YME1L1: variants seen among roughly 807,000 people sequenced by gnomAD.
The protein encoded by YME1L1 is ATP-dependent zinc metalloprotease YME1L1.
In YME1L1, 39 loss-of-function variants were observed where a neutral mutation model predicts 90.4. That is an observed-to-expected ratio of 0.43 (90% CI 0.33 to 0.56). The LOEUF (loss-of-function observed/expected upper bound fraction) is 0.56, where lower values mean the gene tolerates loss of function less well. YME1L1 is among the 20% of genes least tolerant of loss of function. The pLI, the probability that YME1L1 is intolerant of heterozygous loss-of-function variation, is 0.03. For synonymous variants in YME1L1, 284 were observed against 287.3 expected (o/e 0.99, Z 0.12); for missense variants, 617 against 868.4 (o/e 0.71, Z 3.64).
intron 8 of YME1L1, among the ~76,000 whole-genome samples, chr10:27,128,968 C>G (rs776681814): frequency 2.0e-5 from 3 of 150,710 alleles, no homozygotes; most frequent in African/African-American, 2.4e-5. Flanking sequence ...TGCCTGTGGT[C>G]TCAGCTACAA....
intron 4 of YME1L1, among the ~76,000 whole-genome samples, chr10:27,141,601 GACACACACACACACACAC>G (rs60043957): frequency 0.059 from 8,329 of 141,550 alleles, 431 homozygotes; most frequent in African/African-American, 0.14. Context: ...GATGTCCCTC[GACACACACACACACACAC>G]ACACACACAC....
At chr10:27,137,479 A>G (rs751780505) in intron 4 of YME1L1, among the ~76,000 whole-genome samples, 3 of 152,228 alleles carry the variant, frequency 2.0e-5, no homozygotes, top group Non-Finnish European at 4.4e-5. Flanking sequence ...TGAATTCCTG[A>G]AAGAAACACT....
chr10:27,154,072 A>T, intron 1 of YME1L1, 106 bp downstream of exon 1: 1 of 1,406,602 alleles, frequency 7.1e-7, no homozygotes, highest in Non-Finnish European at 9.8e-7. Context: ...TGAGTACATC[A>T]CTTCATTTCT....
At chr10:27,117,338 C>A (rs2056823385) in intron 15 of YME1L1, among the ~76,000 whole-genome samples, 1 of 152,128 alleles carries the variant, frequency 6.6e-6, no homozygotes, top group South Asian at 2.1e-4. Flanking sequence ...GAGACTGAGG[C>A]AGGTGGATCA....
chr10:27,129,085 CAAAAAAAAAAAAAA>C lies in YME1L1; in HGVS notation c.859-2313_859-2300del, dbSNP rs71523559. 5.7e-3 allele frequency among the ~76,000 whole-genome samples: 278 copies of C among 48,524 alleles called. 4 individuals carry two copies. Among genetic ancestry groups the C allele is most frequent in the African/African-American group, 0.02 (264 of 13,316 alleles). 31.8% of individuals were successfully genotyped at this position (48,524 alleles called of 152,430 possible). A position where few individuals can be genotyped will look rare whatever the true frequency, so the allele number is the denominator to read the frequency against. ...TGGGCAAGAGAGCAAGACCCTGTCT[CAAAAAAAAAAAAAA>C]AAAAAAAAAAAAAACTCTCATTCCA... On this transcript the variant is annotated intron_variant, in intron 8 of 18. Coordinates refer to ENST00000376016, the MANE Select transcript of YME1L1 (RefSeq NM_014263.4).
chr10:27,119,290 C>T lies in YME1L1; in HGVS notation c.1567+4G>A, dbSNP rs2056842877. 3.1e-6 allele frequency: 5 copies of T among 1,589,104 alleles called. No individual in the cohort carries two copies. Among genetic ancestry groups the T allele is most frequent in the Admixed American group, 3.8e-5 (2 of 52,278 alleles). On this transcript the variant is annotated splice_donor_region_variant and intron_variant, in intron 14 of 18. Coordinates refer to ENST00000376016, the MANE Select transcript of YME1L1 (RefSeq NM_014263.4). The stretch of plus-strand genomic sequence containing the variant: ...AAGACAGAAAAAAAAGAAAGGAAAC[C>T]TACCCATTAGAATTTTGTCTTTGGA...
chr10:27,117,919 C>T (rs2056830090), intron 14 of YME1L1, among the ~76,000 whole-genome samples, 192 bp from the exon 15 acceptor site: 1 of 152,052 alleles, frequency 6.6e-6, no homozygotes, highest in South Asian at 2.1e-4. Flanking sequence ...GAAAAAAATA[C>T]ATTATAACAA....
At chr10:27,154,069 A>T in intron 1 of YME1L1, 109 bp downstream of exon 1, 1 of 1,396,040 alleles carries the variant, frequency 7.2e-7, no homozygotes, top group Non-Finnish European at 9.9e-7. Flanking sequence ...CATTGAGTAC[A>T]TCACTTCATT....
At chr10:27,135,767 T>G (rs1210377968) in intron 5 of YME1L1, among the ~76,000 whole-genome samples, 1 of 151,876 alleles carries the variant, frequency 6.6e-6, no homozygotes, top group Non-Finnish European at 1.5e-5. Flanking sequence ...GTAATATAAC[T>G]AGATCATTAT....
Position 27,117,779 on chromosome 10 carries a change from CAACAA to C in YME1L1, c.1568-57_1568-53del, listed in dbSNP as rs1285342154. On this transcript the variant is annotated intron_variant, in intron 14 of 18. Transcript: ENST00000376016. The stretch of plus-strand genomic sequence containing the variant: ...CTCCATTAGAAAGGTATATTTAAAT[CAACAA>C]AACACATTCTTGTCTGCAAATCAAA... The C allele has an allele frequency of 2.6e-6, 4 of 1,568,322 alleles. No homozygotes were observed. In the Admixed American group the frequency reaches 6.8e-5, roughly 27 times the overall value.
At chr10:27,113,037 C>A (rs1588578862) in intron 18 of YME1L1, among the ~76,000 whole-genome samples, 1 of 151,306 alleles carries the variant, frequency 6.6e-6, no homozygotes, top group Non-Finnish European at 1.5e-5. Context: ...GCCTGGGTAA[C>A]ATAGTGAAAT....
intron 11 of YME1L1, 78 bp downstream of exon 11, chr10:27,122,763 T>A: frequency 1.3e-6 from 2 of 1,569,004 alleles, no homozygotes; most frequent in Non-Finnish European, 1.7e-6. Context: ...ATGGAAATAA[T>A]TTGCATAAGA....
Position 27,114,617 on chromosome 10 carries a change from A to G in YME1L1, c.1921-10T>C, listed in dbSNP as rs753875109. On this transcript the variant is annotated splice_polypyrimidine_tract_variant and intron_variant, in intron 17 of 18. Coordinates refer to ENST00000376016, the MANE Select transcript of YME1L1 (RefSeq NM_014263.4). ...AGGTCATAACTCCAAGCTAAAACCA[A>G]AAGGAAGAAAGTAATTGAACAGAAA... The G allele has an allele frequency of 1.9e-6, 3 of 1,604,740 alleles. No homozygotes were observed. The highest frequency in any genetic ancestry group is 2.6e-6 in the Non-Finnish European group (3 of 1,175,646).
At position 27,130,573 on chromosome 10, in the gene YME1L1, C is replaced by G. The variant is rs533627184; in HGVS notation, c.858+1286G>C. On this transcript the variant is annotated intron_variant, in intron 8 of 18. Transcript: ENST00000376016. ...CCACTCACAGCCTTTTAAAACCTCA[C>G]TAAAGGCCGGGCACCGTGGCTCACG... Among the ~76,000 whole-genome samples the G allele has an allele frequency of 4.9e-4, 75 of 152,294 alleles. 1 individual carries two copies. Among genetic ancestry groups the G allele is most frequent in the African/African-American group, 1.5e-3 (63 of 41,580 alleles).
chr10:27,126,689 A>T lies in YME1L1; in HGVS notation c.949+7T>A, dbSNP rs768088684. ...CATCAAATCATGATAAAGAAAAGAT[A>T]TCTTACCTTTTGGAAGTTTACCTCC... On this transcript the variant is annotated splice_region_variant and intron_variant, in intron 9 of 18. Transcript: ENST00000376016. 6.9e-7 allele frequency: 1 copy of T among 1,451,104 alleles called. No homozygotes were observed. Among genetic ancestry groups the T allele is most frequent in the Admixed American group, 2.1e-5 (1 of 48,346 alleles). The allele number at this position is 1,451,104 out of a possible 1,614,324, so 89.9% of individuals were successfully genotyped here. A position where few individuals can be genotyped will look rare whatever the true frequency, so the allele number is the denominator to read the frequency against.
intron 8 of YME1L1, among the ~76,000 whole-genome samples, chr10:27,127,826 T>G (rs1371420826): frequency 6.6e-6 from 1 of 152,170 alleles, no homozygotes; most frequent in Non-Finnish European, 1.5e-5. Flanking sequence ...TGTGCACTGT[T>G]GTGTGAATTT....
intron 8 of YME1L1, among the ~76,000 whole-genome samples, chr10:27,127,856 T>C (rs975747350): frequency 1.3e-5 from 2 of 152,178 alleles, no homozygotes; most frequent in Non-Finnish European, 2.9e-5. Flanking sequence ...CAATGAAATT[T>C]ATGGTTAAAA....
In YME1L1 at chr10:27,126,701, G is replaced by T. The variant is rs959398532; in HGVS notation, c.944C>A (p.Pro315Gln). 1 of 1,511,250 alleles carries T rather than the reference G, an allele frequency of 6.6e-7. No homozygotes were observed. The highest frequency in any genetic ancestry group is 9.0e-7 in the Non-Finnish European group (1 of 1,113,062). The allele number at this position is 1,511,250 out of a possible 1,614,324, so 93.6% of individuals were successfully genotyped here. Reference protein sequence around the residue: ...QKFTILGGKLPKGILLVGPPG... With the variant: ...QKFTILGGKLQKGILLVGPPG... ...ATAAAGAAAAGATATCTTACCTTTTGGAAGTTTACCTCCAAGAATAGTAAA... is the reference window on the plus strand; with the variant it reads ...ATAAAGAAAAGATATCTTACCTTTTTGAAGTTTACCTCCAAGAATAGTAAA... The change falls in exon 9 of 19, where the codon CCA becomes CAA. Residue 315 changes from proline (P) to glutamine (Q), a missense_variant. Coordinates refer to ENST00000376016, the MANE Select transcript of YME1L1 (RefSeq NM_014263.4).
At chr10:27,144,723 C>G (rs981090938) in intron 3 of YME1L1, among the ~76,000 whole-genome samples, 1 of 152,078 alleles carries the variant, frequency 6.6e-6, no homozygotes, top group Non-Finnish European at 1.5e-5. Context: ...CCCCATTCTG[C>G]TAAATGCAAT....
Sources: gnomAD v4.1 joint callset for allele counts (sites outside exome capture counted in the v4.1 genomes callset) on GRCh38, gnomAD v4.1.1 for gene constraint, MANE v1.5 for transcripts, NCBI Gene and HGNC (gene_info 2026-07-23, HGNC 2026-07-21) for gene names.